Variants in LONRF2 observed in about 807,000 individuals in gnomAD.
LONRF2 encodes LON peptidase N-terminal domain and RING finger protein 2.
A neutral mutation model predicts 66.6 loss-of-function variants in LONRF2; 35 were observed. That is an observed-to-expected ratio of 0.53 (90% CI 0.40 to 0.70). The LOEUF is 0.70. Among genes scored for constraint, LONRF2 ranks in the 30% least tolerant of loss-of-function variants. The pLI, the probability that LONRF2 is intolerant of heterozygous loss-of-function variation, is 0.00. For synonymous variants in LONRF2, 417 were observed against 418.1 expected (o/e 1.00, Z 0.03); for missense variants, 902 against 1,002.1 (o/e 0.90, Z 1.35).
intron 1 of LONRF2, among the ~76,000 whole-genome samples, chr2:100,310,557 G>A (rs915051137): frequency 6.6e-6 from 1 of 152,148 alleles, no homozygotes; most frequent in African/African-American, 2.4e-5. Context: ...AAGACATGGT[G>A]AAAAGTAACT....
chr2:100,319,503 A>G (rs531246456), intron 1 of LONRF2, among the ~76,000 whole-genome samples: 7 of 152,188 alleles, frequency 4.6e-5, no homozygotes, highest in South Asian at 4.1e-4. Context: ...CCTCACAATC[A>G]CTATTCCCTT....
In LONRF2 at chr2:100,274,009, A is replaced by G. The variant is rs1173707332; in HGVS notation, c.*10289T>C. 1 of 152,202 alleles carries G rather than the reference A, an allele frequency of 6.6e-6. No homozygotes were observed. The highest frequency in any genetic ancestry group is 1.5e-5 in the Non-Finnish European group (1 of 68,036). The allele number at this position is 152,202 out of a possible 1,614,324, so 9.4% of individuals were successfully genotyped here. On this transcript the variant is annotated 3_prime_UTR_variant, in exon 12 of 12. Transcript: ENST00000393437. ...CACAGTACAAAAAGGTGACAAAACT[A>G]TGAAAGTGAAAATACTATGGTAAAT...
intron 9 of LONRF2, among the ~76,000 whole-genome samples, chr2:100,292,498 T>C (rs1188078302): frequency 6.6e-6 from 1 of 152,282 alleles, no homozygotes; most frequent in Non-Finnish European, 1.5e-5. Context: ...TTGGTTACCC[T>C]GAGCAACCTT....
rs1674509691 is a variant in LONRF2, at chr2:100,271,984, G to C, written c.*12314C>G. On this transcript the variant is annotated 3_prime_UTR_variant, in exon 12 of 12. Transcript: ENST00000393437. ...GATTAGTCACTGCATGAGGAAGCGG[G>C]AAAATGCCTGATCCTTACAACTCAC... Among the ~76,000 whole-genome samples the C allele has an allele frequency of 6.6e-6, 1 of 152,190 alleles. No homozygotes were observed. Among genetic ancestry groups the C allele is most frequent in the South Asian group, 2.1e-4 (1 of 4,828 alleles).
At chr2:100,314,015 T>C (rs1675458164) in intron 1 of LONRF2, among the ~76,000 whole-genome samples, 1 of 152,160 alleles carries the variant, frequency 6.6e-6, no homozygotes, top group Non-Finnish European at 1.5e-5. Context: ...TGATGAACAA[T>C]TGAACTGTTC....
chr2:100,297,222 G>A (rs1459607995), intron 7 of LONRF2, among the ~76,000 whole-genome samples: 1 of 151,898 alleles, frequency 6.6e-6, no homozygotes, highest in African/African-American at 2.4e-5. Context: ...TCCGCCTCCC[G>A]GGTTCACGCC....
At position 100,282,569 on chromosome 2, in the gene LONRF2, T is replaced by C. The variant is rs1474044618; in HGVS notation, c.*1729A>G. 6.6e-6 allele frequency: 1 copy of C among 152,252 alleles called. No homozygotes were observed. Among genetic ancestry groups the C allele is most frequent in the Admixed American group, 6.5e-5 (1 of 15,282 alleles). The allele number at this position is 152,252 out of a possible 1,614,324, so 9.4% of individuals were successfully genotyped here. On this transcript the variant is annotated 3_prime_UTR_variant, in exon 12 of 12. Coordinates refer to ENST00000393437, the MANE Select transcript of LONRF2 (RefSeq NM_198461.4). The stretch of plus-strand genomic sequence containing the variant: ...GAATGATTCAGTTATTCCAATCAAA[T>C]GATCGGGTTAGGTTATAATGCCTAA...
At chr2:100,293,808 G>C in intron 9 of LONRF2, among the ~76,000 whole-genome samples, 1 of 152,150 alleles carries the variant, frequency 6.6e-6, no homozygotes, top group East Asian at 1.9e-4. Flanking sequence ...TCCAACTCCT[G>C]GGCTCAAGCG....
chr2:100,315,437 A>C (rs1675487755), intron 1 of LONRF2, among the ~76,000 whole-genome samples: 1 of 152,200 alleles, frequency 6.6e-6, no homozygotes, highest in Non-Finnish European at 1.5e-5. Context: ...CTTAATACAT[A>C]GCTATCTAGA....
At position 100,279,178 on chromosome 2, in the gene LONRF2, T is replaced by C. The variant is rs1257090304; in HGVS notation, c.*5120A>G. ...GTGACACATGAACACCACGAGTCTCTACTTATCCTTTACTGAACTATCAGT... is the reference window on the plus strand; with the variant it reads ...GTGACACATGAACACCACGAGTCTCCACTTATCCTTTACTGAACTATCAGT... On this transcript the variant is annotated 3_prime_UTR_variant, in exon 12 of 12. Transcript: ENST00000393437. The C allele has an allele frequency of 2.6e-5, 4 of 152,020 alleles. No individual in the cohort carries two copies. Among genetic ancestry groups the C allele is most frequent in the African/African-American group, 9.7e-5 (4 of 41,428 alleles). 9.4% of individuals were successfully genotyped at this position (152,020 alleles called of 1,614,324 possible). A position where few individuals can be genotyped will look rare whatever the true frequency, so the allele number is the denominator to read the frequency against.
chr2:100,282,698 A>G lies in LONRF2; in HGVS notation c.*1600T>C, dbSNP rs1674763348. The G allele has an allele frequency of 6.6e-6, 1 of 152,228 alleles. No homozygotes were observed. The highest frequency in any genetic ancestry group is 1.5e-5 in the Non-Finnish European group (1 of 68,038). 9.4% of individuals were successfully genotyped at this position (152,228 alleles called of 1,614,324 possible). On this transcript the variant is annotated 3_prime_UTR_variant, in exon 12 of 12. Transcript: ENST00000393437. ...CTCAAGATGATATTTGAGATTCACA[A>G]TAAGTGAGGCACTTGAAACATTGGA...
rs75907246 is a variant in LONRF2 at position 100,296,567 on chromosome 2, G to A, written c.1477-1014C>T. Among the ~76,000 whole-genome samples the A allele has an allele frequency of 5.2e-3, 791 of 152,234 alleles. 11 individuals carry two copies. Among genetic ancestry groups the A allele is most frequent in the Admixed American group, 0.035 (535 of 15,280 alleles). On this transcript the variant is annotated intron_variant, in intron 7 of 11. Transcript: ENST00000393437. ...TGGCTGGGTGAGTCCTTCGCATACT[G>A]CCAGGTTTCCTTGTGGTTGGTGTGA...
intron 10 of LONRF2, among the ~76,000 whole-genome samples, chr2:100,287,592 C>A (rs536869671): frequency 6.6e-6 from 1 of 152,188 alleles, no homozygotes; most frequent in East Asian, 1.9e-4. Flanking sequence ...CCTAAAGGCA[C>A]GACAGGGCAA....
chr2:100,309,559 C>T, intron 1 of LONRF2: 1 of 161,260 alleles, frequency 6.2e-6, no homozygotes, highest in African/African-American at 2.4e-5. Flanking sequence ...AATTCAGCAA[C>T]TGCTGAATCC....
intron 11 of LONRF2, among the ~76,000 whole-genome samples, 163 bp downstream of exon 11, chr2:100,286,751 C>T (rs532022558): frequency 6.6e-6 from 1 of 152,200 alleles, no homozygotes; most frequent in Non-Finnish European, 1.5e-5. Context: ...AAGTCATGTG[C>T]TACCACAGTA....
At chr2:100,292,289 G>A (rs1355799869) in intron 9 of LONRF2, among the ~76,000 whole-genome samples, 1 of 152,180 alleles carries the variant, frequency 6.6e-6, no homozygotes, top group Non-Finnish European at 1.5e-5. Context: ...ACTCATCAAG[G>A]AGCCTCTTAT....
chr2:100,290,549 C>A, intron 9 of LONRF2, 129 bp from the exon 10 acceptor site: 1 of 911,168 alleles, frequency 1.1e-6, no homozygotes, highest in Non-Finnish European at 1.6e-6. Flanking sequence ...ATCAGACCAG[C>A]AAGGTTATTG....
rs1404362604 is a variant in LONRF2 at position 100,282,122 on chromosome 2, C to T, written c.*2176G>A. On this transcript the variant is annotated 3_prime_UTR_variant, in exon 12 of 12. Coordinates refer to ENST00000393437, the MANE Select transcript of LONRF2 (RefSeq NM_198461.4). ...TATCAAAAAATAAAAACGTATGTTGCTCTCGTCTGCGTCATCATTGTTGTT... is the reference window on the plus strand; with the variant it reads ...TATCAAAAAATAAAAACGTATGTTGTTCTCGTCTGCGTCATCATTGTTGTT... The T allele has an allele frequency of 1.3e-5, 2 of 152,170 alleles. No individual in the cohort carries two copies. The highest frequency in any genetic ancestry group is 4.8e-5 in the African/African-American group (2 of 41,432). The allele number at this position is 152,170 out of a possible 1,614,324, so 9.4% of individuals were successfully genotyped here. A position where few individuals can be genotyped will look rare whatever the true frequency, so the allele number is the denominator to read the frequency against.
chr2:100,297,601 A>G (rs1559177828), intron 7 of LONRF2, among the ~76,000 whole-genome samples: 1 of 152,208 alleles, frequency 6.6e-6, no homozygotes. Flanking sequence ...TGGCCCAGGC[A>G]GGCACCAAAA....
Sources: gnomAD v4.1 joint callset for allele counts (sites outside exome capture counted in the v4.1 genomes callset) on GRCh38, gnomAD v4.1.1 for gene constraint, MANE v1.5 for transcripts, NCBI Gene and HGNC (gene_info 2026-07-23, HGNC 2026-07-21) for gene names.